Variants in NCOA2 observed in about 807,000 individuals in gnomAD.
NCOA2 encodes the protein class E basic helix-loop-helix protein 75.
NCOA2 carries 21 observed loss-of-function variants against 145.1 expected under a neutral mutation model. That is an observed-to-expected ratio of 0.14 (90% confidence interval 0.10 to 0.21). The LOEUF (loss-of-function observed/expected upper bound fraction) is 0.21. Ranked by LOEUF, NCOA2 falls within the 10% of genes least tolerant of loss-of-function variation. The pLI is 1.00. For missense variants in NCOA2, 1,472 were observed against 1,837.6 expected, an observed-to-expected ratio of 0.80 and a Z score of 3.64; for synonymous variants, 619 against 637.5, an observed-to-expected ratio of 0.97 and a Z score of 0.44.
intron 1 of NCOA2, among the ~76,000 whole-genome samples, chr8:70,393,570 C>G (rs1338311360): frequency 6.6e-6 from 1 of 151,928 alleles, no homozygotes; most frequent in Non-Finnish European, 1.5e-5. Context: ...AGGCAGGGAA[C>G]AGCTGAGGCC....
intron 2 of NCOA2, among the ~76,000 whole-genome samples, chr8:70,285,829 T>C (rs1826193181): frequency 6.6e-6 from 1 of 152,206 alleles, no homozygotes; most frequent in Non-Finnish European, 1.5e-5. Flanking sequence ...GGCTTTCATG[T>C]AATCAACAAG....
At chr8:70,453,479 G>A in the NCOA2 span, among the ~76,000 whole-genome samples, 1 of 152,170 alleles carries the variant, frequency 6.6e-6, no homozygotes, top group Non-Finnish European at 1.5e-5. Context: ...CTTAAAAGAT[G>A]AACTCACACT....
the NCOA2 span, among the ~76,000 whole-genome samples, chr8:70,427,064 T>C: frequency 9.3e-4 from 141 of 152,302 alleles, 1 homozygote; most frequent in Middle Eastern, 0.021. Context: ...GGGTTACAGG[T>C]GTGAGCACAG....
At chr8:70,330,888 C>T (rs1807037471) in intron 1 of NCOA2, among the ~76,000 whole-genome samples, 1 of 152,134 alleles carries the variant, frequency 6.6e-6, no homozygotes, top group African/African-American at 2.4e-5. Context: ...AGCTGGTTAT[C>T]TTCAGTTATC....
At chr8:70,273,363 G>C in intron 2 of NCOA2, 3 of 614,606 alleles carry the variant, frequency 4.9e-6, no homozygotes, top group Non-Finnish European at 7.8e-6. Context: ...CCCCTTATCC[G>C]CTGCGACAAG....
intron 2 of NCOA2, among the ~76,000 whole-genome samples, chr8:70,279,351 C>A (rs1001125702): frequency 6.6e-6 from 1 of 152,116 alleles, no homozygotes; most frequent in African/African-American, 2.4e-5. Flanking sequence ...TCATTACCAG[C>A]GGATCTAGTA....
At chr8:70,184,304 A>C (rs929159128) in intron 4 of NCOA2, among the ~76,000 whole-genome samples, 1 of 152,204 alleles carries the variant, frequency 6.6e-6, no homozygotes, top group African/African-American at 2.4e-5. Flanking sequence ...TTACAAAAAA[A>C]GTGATCTGGG....
intron 2 of NCOA2, among the ~76,000 whole-genome samples, chr8:70,236,486 T>C (rs1310313994): frequency 3.3e-5 from 5 of 152,104 alleles, no homozygotes; most frequent in African/African-American, 2.4e-5. Context: ...TTGTCATATA[T>C]GCAATAAGCC....
At chr8:70,182,666 G>C (rs1335112762) in intron 4 of NCOA2, among the ~76,000 whole-genome samples, 3 of 152,116 alleles carry the variant, frequency 2.0e-5, no homozygotes, top group Non-Finnish European at 2.9e-5. Flanking sequence ...ACTTCATATA[G>C]TACCTATCAG....
intron 4 of NCOA2, among the ~76,000 whole-genome samples, chr8:70,205,652 C>T (rs1818358581): frequency 1.3e-5 from 2 of 151,952 alleles, no homozygotes; most frequent in Non-Finnish European, 2.9e-5. Flanking sequence ...AAGGAGGAAA[C>T]CACAACGTGA....
intron 11 of NCOA2, among the ~76,000 whole-genome samples, chr8:70,149,676 A>G (rs1811536536): frequency 6.6e-6 from 1 of 152,154 alleles, no homozygotes; most frequent in African/African-American, 2.4e-5. Flanking sequence ...ACTGGAATTT[A>G]TTCTAGATTT....
intron 1 of NCOA2, among the ~76,000 whole-genome samples, chr8:70,357,657 C>T (rs1241626493): frequency 4.6e-5 from 7 of 152,044 alleles, no homozygotes; most frequent in African/African-American, 7.2e-5. Flanking sequence ...AGGAGAATGG[C>T]GTGAACCTGG....
At chr8:70,144,237 TA>T (rs1244041214) in intron 13 of NCOA2, among the ~76,000 whole-genome samples, 1 of 152,230 alleles carries the variant, frequency 6.6e-6, no homozygotes, top group African/African-American at 2.4e-5. Context: ...CACCTAGAAG[TA>T]TAAAAGGTTG....
chr8:70,174,534 T>C (rs1814618566), intron 5 of NCOA2, among the ~76,000 whole-genome samples: 1 of 152,232 alleles, frequency 6.6e-6, no homozygotes. Flanking sequence ...ATGTCTACTC[T>C]AATCTAGTTA....
chr8:70,441,324 GAGAA>G, the NCOA2 span, among the ~76,000 whole-genome samples: 58 of 133,768 alleles, frequency 4.3e-4, no homozygotes, highest in South Asian at 9.4e-4. Context: ...GGAAAGGAGA[GAGAA>G]AGAAAGAGGA....
At chr8:70,320,867 CT>C (rs1332141622) in intron 1 of NCOA2, among the ~76,000 whole-genome samples, 1 of 152,124 alleles carries the variant, frequency 6.6e-6, no homozygotes, top group Non-Finnish European at 1.5e-5. Flanking sequence ...TGCATATTGT[CT>C]TTAGTAAGTG....
In NCOA2 at chr8:70,131,897, C is replaced by G; in HGVS notation, c.3264G>C (p.Arg1088=). The change falls in exon 16 of 23, where the codon CGG becomes CGC. Residue 1088 remains arginine (R), a synonymous_variant. Coordinates refer to ENST00000452400, the MANE Select transcript of NCOA2 (RefSeq NM_006540.4). ...ALLDQLYLAL[R]NFDGLEEIDR... The stretch of plus-strand genomic sequence containing the variant: ...CAATCTCCTCCAGGCCATCAAAATT[C>G]CGCAAGGCCAGATACAGCTGGTCCA... 6.2e-7 allele frequency: 1 copy of G among 1,605,370 alleles called. No individual in the cohort carries two copies.
At chr8:70,223,445 G>GT (rs1820337485) in intron 2 of NCOA2, among the ~76,000 whole-genome samples, 3 of 152,166 alleles carry the variant, frequency 2.0e-5, no homozygotes, top group Admixed American at 1.3e-4. Flanking sequence ...ATGTTGTTTG[G>GT]TTTTTTTGCT....
chr8:70,301,353 TA>T (rs1362337874), intron 1 of NCOA2, among the ~76,000 whole-genome samples: 3 of 152,118 alleles, frequency 2.0e-5, no homozygotes, highest in Middle Eastern at 6.8e-3. Context: ...GAGCTGGATG[TA>T]AATAAAGATA....
Sources: gnomAD v4.1 joint callset for allele counts (sites outside exome capture counted in the v4.1 genomes callset) on GRCh38, gnomAD v4.1.1 for gene constraint, MANE v1.5 for transcripts, NCBI Gene and HGNC (gene_info 2026-07-23, HGNC 2026-07-21) for gene names.